The following NSL1 variants were observed in gnomAD, a reference collection of about 807,000 sequenced individuals.
NSL1 encodes the protein NSL1 component of MIS12 kinetochore complex.
A neutral mutation model predicts 25.4 loss-of-function variants in NSL1; 11 were observed. The observed-to-expected ratio is 0.43, with a 90% CI of 0.27 to 0.72. The LOEUF is 0.72. Among genes scored for constraint, NSL1 ranks in the 30% least tolerant of loss-of-function variants. The pLI, the probability that NSL1 is intolerant of heterozygous loss-of-function variation, is 0.19. For synonymous variants in NSL1, 118 were observed against 120.6 expected, an observed-to-expected ratio of 0.98 and a Z score of 0.14; for missense variants, 330 against 342.7, an observed-to-expected ratio of 0.96 and a Z score of 0.29.
At position 212,727,049 on chromosome 1, in the gene NSL1, G is replaced by C. The variant is rs543447511; in HGVS notation, c.*11359C>G. ...CCTTGGAGATGACTGCCGAGAGAGGGAGGGCGGGCTCTGGGTCACCCAGCT... is the reference window on the plus strand; with the variant it reads ...CCTTGGAGATGACTGCCGAGAGAGGCAGGGCGGGCTCTGGGTCACCCAGCT... On this transcript the variant is annotated 3_prime_UTR_variant, in exon 6 of 6. Coordinates refer to ENST00000366977, the MANE Select transcript of NSL1 (RefSeq NM_015471.4). The C allele has an allele frequency of 1.1e-4, 169 of 1,496,012 alleles. No homozygotes were observed. Among genetic ancestry groups the C allele is most frequent in the Middle Eastern group, 2.4e-4 (1 of 4,220 alleles). 92.7% of individuals were successfully genotyped at this position (1,496,012 alleles called of 1,614,324 possible).
rs1657906056 is a variant in NSL1, at chr1:212,729,138, C to G, written c.*9270G>C. 2.0e-6 allele frequency: 2 copies of G among 985,414 alleles called. No homozygotes were observed. The allele number at this position is 985,414 out of a possible 1,614,324, so 61.0% of individuals were successfully genotyped here. A position where few individuals can be genotyped will look rare whatever the true frequency, so the allele number is the denominator to read the frequency against. On this transcript the variant is annotated 3_prime_UTR_variant, in exon 6 of 6. Transcript: ENST00000366977. ...ATATATTAGTGTTCCATCGTAGTTT[C>G]TAAAACCAGACAAAATCATTTCTTG...
At chr1:212,759,981 A>G (rs190876874) in intron 4 of NSL1, among the ~76,000 whole-genome samples, 2 of 151,950 alleles carry the variant, frequency 1.3e-5, no homozygotes, top group East Asian at 3.9e-4. Flanking sequence ...AGGCCCACCC[A>G]GATGCTGTCC....
chr1:212,753,175 C>G (rs559136943), intron 4 of NSL1, among the ~76,000 whole-genome samples: 6 of 152,300 alleles, frequency 3.9e-5, no homozygotes, highest in Admixed American at 2.6e-4. Flanking sequence ...AGCACACCTT[C>G]CCACCTACAC....
intron 4 of NSL1, among the ~76,000 whole-genome samples, chr1:212,756,576 T>C (rs909003034): frequency 7.9e-5 from 12 of 152,092 alleles, no homozygotes; most frequent in Non-Finnish European, 1.0e-4. Context: ...TCCCAGAACT[T>C]TGGGAGGCCG....
chr1:212,739,705 A>G, intron 4 of NSL1, 104 bp from the exon 5 acceptor site: 1 of 1,049,978 alleles, frequency 9.5e-7, no homozygotes, highest in South Asian at 1.5e-5. Flanking sequence ...ATCTGGACAA[A>G]AATCTGCTAG....
intron 4 of NSL1, among the ~76,000 whole-genome samples, chr1:212,769,068 T>C (rs1451831099): frequency 7.0e-6 from 1 of 143,734 alleles, no homozygotes; most frequent in Non-Finnish European, 1.5e-5. Context: ...GACAATAAAA[T>C]GGAGGAGGAA....
At position 212,727,080 on chromosome 1, in the gene NSL1, C is replaced by T; in HGVS notation, c.*11328G>A. On this transcript the variant is annotated 3_prime_UTR_variant, in exon 6 of 6. Coordinates refer to ENST00000366977, the MANE Select transcript of NSL1 (RefSeq NM_015471.4). ...GGGCTCTGGGTCACCCAGCTTCATCCTCTTCATCTTGCCAGTTCACCAGAG... is the reference window on the plus strand; with the variant it reads ...GGGCTCTGGGTCACCCAGCTTCATCTTCTTCATCTTGCCAGTTCACCAGAG... 3.4e-6 allele frequency: 5 copies of T among 1,477,914 alleles called. No homozygotes were observed. Among genetic ancestry groups the T allele is most frequent in the South Asian group, 1.2e-5 (1 of 81,388 alleles). 91.6% of individuals were successfully genotyped at this position (1,477,914 alleles called of 1,614,324 possible). A position where few individuals can be genotyped will look rare whatever the true frequency, so the allele number is the denominator to read the frequency against.
Position 212,735,255 on chromosome 1 carries a change from A to G in NSL1, c.*3153T>C, listed in dbSNP as rs184063103. ...CTAATAATGGTAGAACTGAAATCTGAACTCAGATGATCTGGCTTAGAGGCT... is the reference window on the plus strand; with the variant it reads ...CTAATAATGGTAGAACTGAAATCTGGACTCAGATGATCTGGCTTAGAGGCT... On this transcript the variant is annotated 3_prime_UTR_variant, in exon 6 of 6. Transcript: ENST00000366977. The G allele has an allele frequency of 7.4e-6, 7 of 942,142 alleles. No individual in the cohort carries two copies. Among genetic ancestry groups the G allele is most frequent in the Non-Finnish European group, 8.9e-6 (7 of 790,712 alleles). 58.4% of individuals were successfully genotyped at this position (942,142 alleles called of 1,614,324 possible).
At chr1:212,781,470 AT>A (rs1288413510) in intron 4 of NSL1, among the ~76,000 whole-genome samples, 2 of 152,124 alleles carry the variant, frequency 1.3e-5, no homozygotes, top group African/African-American at 4.8e-5. Flanking sequence ...TCCTAGGTCA[AT>A]TTTTAATGTC....
rs779982206 is a variant in NSL1 at position 212,730,555 on chromosome 1, C to T, written c.*7853G>A. The T allele has an allele frequency of 1.0e-6, 1 of 985,230 alleles. No individual in the cohort carries two copies. The highest frequency in any genetic ancestry group is 1.7e-5 in the African/African-American group (1 of 57,208). The allele number at this position is 985,230 out of a possible 1,614,324, so 61.0% of individuals were successfully genotyped here. A position where few individuals can be genotyped will look rare whatever the true frequency, so the allele number is the denominator to read the frequency against. ...CACAGGAGTCAGCTGGAGCAGAAGACCTGCAGGGAGAAGTTGAATTTTCTT... is the reference window on the plus strand; with the variant it reads ...CACAGGAGTCAGCTGGAGCAGAAGATCTGCAGGGAGAAGTTGAATTTTCTT... On this transcript the variant is annotated 3_prime_UTR_variant, in exon 6 of 6. Transcript: ENST00000366977.
At chr1:212,749,497 C>T (rs1051353913) in intron 4 of NSL1, among the ~76,000 whole-genome samples, 1 of 151,972 alleles carries the variant, frequency 6.6e-6, no homozygotes, top group African/African-American at 2.4e-5. Flanking sequence ...TCATAGCTCA[C>T]TGCAGCCTCA....
rs78408114 is a variant in NSL1 at position 212,759,150 on chromosome 1, A to G, written c.500-19549T>C. ...TTTTATATTAGACAACAGTTTCTAA[A>G]ATATAAAACTAAAACCAAAGCAACC... On this transcript the variant is annotated intron_variant, in intron 4 of 5. Transcript: ENST00000366977. 3.2e-3 allele frequency among the ~76,000 whole-genome samples: 488 copies of G among 152,348 alleles called. 1 individual carries two copies. Among genetic ancestry groups the G allele is most frequent in the Middle Eastern group, 0.014 (4 of 294 alleles).
At chr1:212,766,007 G>A (rs538601634) in intron 4 of NSL1, among the ~76,000 whole-genome samples, 1 of 151,306 alleles carries the variant, frequency 6.6e-6, no homozygotes, top group Non-Finnish European at 1.5e-5. Context: ...GTGGTGGCGG[G>A]TGCCTGTAGA....
chr1:212,782,524 A>T, intron 3 of NSL1, 98 bp from the exon 4 acceptor site: 1 of 903,608 alleles, frequency 1.1e-6, no homozygotes, highest in Non-Finnish European at 1.8e-6. Flanking sequence ...AGTCAGTACC[A>T]TTCTTTTGAG....
chr1:212,733,775 TA>T lies in NSL1; in HGVS notation c.*4632del, dbSNP rs1658122726. On this transcript the variant is annotated 3_prime_UTR_variant, in exon 6 of 6. Coordinates refer to ENST00000366977, the MANE Select transcript of NSL1 (RefSeq NM_015471.4). ...ACCTGCTGCTACAAACATTTGTGTG[TA>T]AGTTATTGTGTGAGCATGTTTTCAA... 6.6e-6 allele frequency among the ~76,000 whole-genome samples: 1 copy of T among 152,232 alleles called. No homozygotes were observed. Among genetic ancestry groups the T allele is most frequent in the Admixed American group, 6.5e-5 (1 of 15,286 alleles).
intron 4 of NSL1, among the ~76,000 whole-genome samples, chr1:212,751,764 T>C (rs1202896765): frequency 6.6e-6 from 1 of 152,146 alleles, no homozygotes; most frequent in African/African-American, 2.4e-5. Flanking sequence ...TCACTAAATA[T>C]ATGAATATAT....
In NSL1 at chr1:212,736,297, T is replaced by G. The variant is rs1658229786; in HGVS notation, c.*2111A>C. On this transcript the variant is annotated 3_prime_UTR_variant, in exon 6 of 6. Transcript: ENST00000366977. ...CTTCAGCCTCCCAAAGTGCTGGGAT[T>G]ACAGGCATGAGCCCACCGCGCCTGG... is the stretch of plus-strand genomic sequence containing the variant. 1 of 961,738 alleles carries G rather than the reference T, an allele frequency of 1.0e-6. No homozygotes were observed. Among genetic ancestry groups the G allele is most frequent in the South Asian group, 4.8e-5 (1 of 20,864 alleles). 59.6% of individuals were successfully genotyped at this position (961,738 alleles called of 1,614,324 possible). A position where few individuals can be genotyped will look rare whatever the true frequency, so the allele number is the denominator to read the frequency against.
chr1:212,774,951 G>C (rs1660288604), intron 4 of NSL1, among the ~76,000 whole-genome samples: 1 of 152,114 alleles, frequency 6.6e-6, no homozygotes, highest in African/African-American at 2.4e-5. Flanking sequence ...GTACATTCTA[G>C]TGTTAACAAG....
At position 212,735,727 on chromosome 1, in the gene NSL1, A is replaced by G. The variant is rs1658207923; in HGVS notation, c.*2681T>C. Among the ~76,000 whole-genome samples, 1 of 152,234 alleles carries G rather than the reference A, an allele frequency of 6.6e-6. No individual in the cohort carries two copies. Among genetic ancestry groups the G allele is most frequent in the South Asian group, 2.1e-4 (1 of 4,836 alleles). On this transcript the variant is annotated 3_prime_UTR_variant, in exon 6 of 6. Transcript: ENST00000366977. ...TGGTGTCCTTATAAGAAGAGACACC[A>G]GAGAGCTTGCACTCTGTCCCTCTCT...
Sources: allele counts gnomAD v4.1 joint callset (sites outside exome capture counted in the v4.1 genomes callset), GRCh38; gene constraint gnomAD v4.1.1; transcripts MANE v1.5; gene names NCBI Gene and HGNC (gene_info 2026-07-23, HGNC 2026-07-21).